PLXDC2: variants seen among roughly 807,000 people sequenced by gnomAD.
PLXDC2 encodes plexin domain containing 2.
PLXDC2 carries 40 observed loss-of-function variants against 68.9 expected under a neutral mutation model. The observed-to-expected ratio is 0.58, with a 90% CI of 0.45 to 0.76. PLXDC2 has a LOEUF of 0.76. Ranked by LOEUF, PLXDC2 falls within the 30% of genes least tolerant of loss-of-function variation. The pLI is 0.00. For missense variants in PLXDC2, 644 were observed against 661.9 expected (o/e 0.97, Z 0.30); for synonymous variants, 243 against 234.2 (o/e 1.04, Z -0.34).
intron 4 of PLXDC2, chr10:20,071,315 G>A (rs1343397826): frequency 6.6e-6 from 1 of 152,186 alleles, no homozygotes; most frequent in African/African-American, 2.4e-5. Flanking sequence ...AAGTTCAGGA[G>A]CTTAGAGTCA....
intron 4 of PLXDC2, among the ~76,000 whole-genome samples, chr10:20,082,069 A>AAAAAAAAAAAAAAAG: frequency 6.7e-6 from 1 of 148,504 alleles, no homozygotes; most frequent in African/African-American, 2.5e-5. Flanking sequence ...AAAATCAAAA[A>AAAAAAAAAAAAAAAG]AAAAAAACAG....
chr10:20,000,704 G>A (rs1834920119), intron 1 of PLXDC2, among the ~76,000 whole-genome samples: 1 of 152,172 alleles, frequency 6.6e-6, no homozygotes. Context: ...AGAGTTCTAA[G>A]TAGCTGAATC....
chr10:19,991,018 G>A (rs1204060746), intron 1 of PLXDC2, among the ~76,000 whole-genome samples: 6 of 151,990 alleles, frequency 3.9e-5, no homozygotes, highest in Non-Finnish European at 7.4e-5. Flanking sequence ...AGGCCGAGGC[G>A]GGTGGATCAC....
chr10:19,830,727 C>T (rs1012595709), intron 1 of PLXDC2, among the ~76,000 whole-genome samples: 14 of 142,656 alleles, frequency 9.8e-5, no homozygotes, highest in African/African-American at 3.4e-4. Flanking sequence ...AACTATGCTC[C>T]GGAAAAGAGA....
intron 4 of PLXDC2, among the ~76,000 whole-genome samples, chr10:20,106,886 C>T (rs2252516): frequency 3.3e-5 from 5 of 151,256 alleles, no homozygotes; most frequent in Middle Eastern, 3.5e-3. Context: ...TTTGCTATAT[C>T]GTGGATGCAT....
intron 4 of PLXDC2, among the ~76,000 whole-genome samples, chr10:20,089,172 G>A (rs1203988687): frequency 9.1e-5 from 2 of 22,002 alleles, no homozygotes; most frequent in Non-Finnish European, 1.4e-4. Context: ...GTATATACGT[G>A]TGTGTGTGTG....
At chr10:20,148,043 A>G (rs1834102417) in intron 6 of PLXDC2, 141 bp downstream of exon 6, 1 of 638,406 alleles carries the variant, frequency 1.6e-6, no homozygotes, top group South Asian at 2.1e-5. Flanking sequence ...CTTAATAAAA[A>G]ATGTTTTGAT....
chr10:20,196,343 T>C (rs1239248449), intron 9 of PLXDC2, among the ~76,000 whole-genome samples: 2 of 152,190 alleles, frequency 1.3e-5, no homozygotes, highest in Non-Finnish European at 2.9e-5. Flanking sequence ...ATTTTCTCTA[T>C]ATGTCAAATA....
chr10:20,191,400 G>A lies in PLXDC2; in HGVS notation c.1061+13991G>A, dbSNP rs116253928. ...CTCTGCATGAACCATGGCCTTGGCT[G>A]CAACAATTTCTAATGATAGGTTTTC... On this transcript the variant is annotated intron_variant, in intron 9 of 13. Coordinates refer to ENST00000377252, the MANE Select transcript of PLXDC2 (RefSeq NM_032812.9). Among the ~76,000 whole-genome samples, 619 of 151,780 alleles carry A rather than the reference G, an allele frequency of 4.1e-3. 4 individuals carry two copies. Among genetic ancestry groups the A allele is most frequent in the African/African-American group, 0.014 (585 of 41,402 alleles).
At chr10:20,193,093 T>C (rs1237116567) in intron 9 of PLXDC2, among the ~76,000 whole-genome samples, 2 of 152,062 alleles carry the variant, frequency 1.3e-5, no homozygotes, top group Non-Finnish European at 2.9e-5. Context: ...CATCCTCCAG[T>C]CATCCCTGCT....
At chr10:19,891,473 A>G (rs1347782723) in intron 1 of PLXDC2, among the ~76,000 whole-genome samples, 1 of 152,198 alleles carries the variant, frequency 6.6e-6, no homozygotes, top group African/African-American at 2.4e-5. Context: ...TAGAGTTTTG[A>G]ATGACATTAT....
At chr10:20,262,827 G>C (rs1029801650) in intron 13 of PLXDC2, among the ~76,000 whole-genome samples, 1 of 152,160 alleles carries the variant, frequency 6.6e-6, no homozygotes, top group African/African-American at 2.4e-5. Flanking sequence ...TGTTAGGTGG[G>C]GCCCATTCCC....
chr10:19,976,272 G>A (rs1473053380), intron 1 of PLXDC2, among the ~76,000 whole-genome samples: 1 of 151,972 alleles, frequency 6.6e-6, no homozygotes, highest in South Asian at 2.1e-4. Context: ...GGAGTACAGT[G>A]GTGCGATCTT....
intron 4 of PLXDC2, among the ~76,000 whole-genome samples, chr10:20,077,741 A>C (rs1242840503): frequency 2.0e-5 from 3 of 152,242 alleles, no homozygotes; most frequent in Non-Finnish European, 4.4e-5. Context: ...ATATAAAATT[A>C]AGATAATTTA....
chr10:19,867,170 A>G (rs925232262), intron 1 of PLXDC2, among the ~76,000 whole-genome samples: 2 of 151,212 alleles, frequency 1.3e-5, no homozygotes, highest in African/African-American at 2.4e-5. Context: ...AGTACAAGCA[A>G]TTCTCCTGCC....
At chr10:20,034,187 T>C (rs370024548) in intron 2 of PLXDC2, among the ~76,000 whole-genome samples, 1 of 152,218 alleles carries the variant, frequency 6.6e-6, no homozygotes, top group African/African-American at 2.4e-5. Context: ...CTGTCCTTCC[T>C]GTCAAGTTTT....
chr10:20,230,949 CTT>C (rs1220613492), intron 12 of PLXDC2, among the ~76,000 whole-genome samples: 1 of 150,466 alleles, frequency 6.6e-6, no homozygotes, highest in East Asian at 2.0e-4. Flanking sequence ...AGACTACACT[CTT>C]TGACTGCAAA....
At chr10:19,989,500 A>G (rs1160282797) in intron 1 of PLXDC2, among the ~76,000 whole-genome samples, 3 of 152,202 alleles carry the variant, frequency 2.0e-5, no homozygotes, top group African/African-American at 7.2e-5. Flanking sequence ...GCTGAAATCA[A>G]GTTATACGCA....
intron 13 of PLXDC2, among the ~76,000 whole-genome samples, chr10:20,275,136 A>T (rs935573224): frequency 6.6e-6 from 1 of 152,194 alleles, no homozygotes. Flanking sequence ...ACCTGGGTGC[A>T]AAAACAAACC....
Sources: gnomAD v4.1 joint callset for allele counts (sites outside exome capture counted in the v4.1 genomes callset) on GRCh38, gnomAD v4.1.1 for gene constraint, MANE v1.5 for transcripts, NCBI Gene and HGNC (gene_info 2026-07-23, HGNC 2026-07-21) for gene names.